PPP6R3: variants seen among roughly 807,000 people sequenced by gnomAD.
PPP6R3 encodes the protein serine/threonine-protein phosphatase 6 regulatory subunit 3.
Under a neutral mutation model 110.7 loss-of-function variants are expected in PPP6R3, and 38 were observed. That is an observed-to-expected ratio of 0.34 (90% CI 0.26 to 0.45). PPP6R3 has a LOEUF of 0.45. Among genes scored for constraint, PPP6R3 ranks in the 20% least tolerant of loss-of-function variants. PPP6R3 has a pLI of 1.00. For missense variants in PPP6R3, 870 were observed against 1,062.4 expected (o/e 0.82, Z 2.52); for synonymous variants, 369 against 373.5 (o/e 0.99, Z 0.14).
intron 1 of PPP6R3, among the ~76,000 whole-genome samples, chr11:68,468,238 A>G (rs1340473320): frequency 5.9e-5 from 9 of 152,238 alleles, no homozygotes; most frequent in Non-Finnish European, 1.3e-4. Context: ...CTTAGAATTC[A>G]GAATAAGTGG....
At chr11:68,476,194 A>T (rs2098830405) in intron 1 of PPP6R3, among the ~76,000 whole-genome samples, 1 of 152,230 alleles carries the variant, frequency 6.6e-6, no homozygotes, top group African/African-American at 2.4e-5. Context: ...AGAGAACGAG[A>T]TTCCGTCTGC....
intron 1 of PPP6R3, among the ~76,000 whole-genome samples, chr11:68,519,245 T>A (rs985249545): frequency 5.3e-5 from 8 of 152,242 alleles, no homozygotes; most frequent in African/African-American, 1.9e-4. Context: ...TCTTCACTCA[T>A]TGATAGTGCT....
At chr11:68,475,085 T>C (rs1414835201) in intron 1 of PPP6R3, among the ~76,000 whole-genome samples, 2 of 152,168 alleles carry the variant, frequency 1.3e-5, no homozygotes, top group Non-Finnish European at 2.9e-5. Context: ...TTTGTGTCCC[T>C]GGGTACTTGA....
intron 7 of PPP6R3, among the ~76,000 whole-genome samples, chr11:68,557,994 T>C (rs908257119): frequency 6.6e-6 from 1 of 152,250 alleles, no homozygotes; most frequent in African/African-American, 2.4e-5. Flanking sequence ...ACATTTAATT[T>C]AGTCACATTT....
chr11:68,538,562 TGCATTACA>T, intron 3 of PPP6R3, among the ~76,000 whole-genome samples: 1 of 152,352 alleles, frequency 6.6e-6, no homozygotes, highest in East Asian at 1.9e-4. Flanking sequence ...CAAAAATTGA[TGCATTACA>T]TAAACTTAAT....
At chr11:68,585,469 GC>G (rs766022201) in intron 15 of PPP6R3, among the ~76,000 whole-genome samples, 1 of 152,154 alleles carries the variant, frequency 6.6e-6, no homozygotes, top group Non-Finnish European at 1.5e-5. Flanking sequence ...TCTGACTTTG[GC>G]CAGGATGACA....
chr11:68,554,279 T>C (rs934500447), intron 7 of PPP6R3, 22 bp downstream of exon 7: 3 of 1,542,194 alleles, frequency 1.9e-6, no homozygotes, highest in Non-Finnish European at 2.7e-6. Context: ...ACTCTGTTCT[T>C]GTTCTTCTTT....
At chr11:68,465,078 C>G (rs140612869) in intron 1 of PPP6R3, among the ~76,000 whole-genome samples, 1,550 of 152,206 alleles carry the variant, frequency 0.01, 10 homozygotes, top group African/African-American at 0.012. Context: ...GATGGGGTTT[C>G]ACCATGTGGG....
At position 68,498,138 on chromosome 11, in the gene PPP6R3, G is replaced by T. The variant is rs562774055; in HGVS notation, c.-157-21363G>T. On this transcript the variant is annotated intron_variant, in intron 1 of 23. Coordinates refer to ENST00000393800, the MANE Select transcript of PPP6R3 (RefSeq NM_001164161.2). Reference sequence around the variant, plus strand: ...AGAATAAAAGAATAATTGGACCAAGGGGTATATAGATTTTAACACCTTTTT... The same window carrying T: ...AGAATAAAAGAATAATTGGACCAAGTGGTATATAGATTTTAACACCTTTTT... Among the ~76,000 whole-genome samples, 132 of 152,258 alleles carry T rather than the reference G, an allele frequency of 8.7e-4. 1 individual carries two copies. Among genetic ancestry groups the T allele is most frequent in the African/African-American group, 3.0e-3 (126 of 41,552 alleles).
chr11:68,574,673 C>T (rs563535123), intron 13 of PPP6R3, among the ~76,000 whole-genome samples: 11 of 152,288 alleles, frequency 7.2e-5, no homozygotes, highest in South Asian at 2.1e-4. Flanking sequence ...TCTTTGATGT[C>T]GCTGTCACTA....
intron 5 of PPP6R3, among the ~76,000 whole-genome samples, chr11:68,548,673 A>C (rs970110926): frequency 6.6e-6 from 1 of 152,176 alleles, no homozygotes; most frequent in Non-Finnish European, 1.5e-5. Flanking sequence ...TTCTCTTCTC[A>C]TGGGTACAGA....
intron 1 of PPP6R3, among the ~76,000 whole-genome samples, chr11:68,487,676 T>A (rs572187301): frequency 6.6e-6 from 1 of 152,346 alleles, no homozygotes; most frequent in African/African-American, 2.4e-5. Flanking sequence ...TTATTTAATC[T>A]TCTGGTATTT....
At chr11:68,584,298 G>C (rs1176231313) in intron 15 of PPP6R3, among the ~76,000 whole-genome samples, 2 of 152,116 alleles carry the variant, frequency 1.3e-5, no homozygotes, top group Non-Finnish European at 2.9e-5. Context: ...GAGCCCTCGT[G>C]CCTGCAAGCA....
Position 68,613,144 on chromosome 11 carries a change from A to G in PPP6R3, c.*27A>G, listed in dbSNP as rs764740177. On this transcript the variant is annotated 3_prime_UTR_variant, in exon 24 of 24. Coordinates refer to ENST00000393800, the MANE Select transcript of PPP6R3 (RefSeq NM_001164161.2). ...GGGTGACGTCTGCTGCTGCTGACTG[A>G]GGACTGCAGACCGCCACCACTCAGG... The G allele has an allele frequency of 1.2e-6, 2 of 1,613,728 alleles. No homozygotes were observed. Among genetic ancestry groups the G allele is most frequent in the Non-Finnish European group, 1.7e-6 (2 of 1,179,894 alleles).
rs79111300 is a variant in PPP6R3, at chr11:68,591,411, C to T, written c.1786-165C>T. On this transcript the variant is annotated intron_variant, in intron 17 of 23. Transcript: ENST00000393800. ...TCTTTTTTTAGGGGAATTCTTGTTACGGACACAGAAACTAATGTTAGGTGT... is the reference window on the plus strand; with the variant it reads ...TCTTTTTTTAGGGGAATTCTTGTTATGGACACAGAAACTAATGTTAGGTGT... Among the ~76,000 whole-genome samples, 127 of 152,182 alleles carry T rather than the reference C, an allele frequency of 8.3e-4. 1 individual carries two copies. The East Asian group carries it at 0.02, about 24-fold the overall frequency.
At position 68,602,716 on chromosome 11, in the gene PPP6R3, C is replaced by T. The variant is rs528428726; in HGVS notation, c.2300-626C>T. Among the ~76,000 whole-genome samples the T allele has an allele frequency of 4.6e-5, 7 of 152,270 alleles. No individual in the cohort carries two copies. In the East Asian group the frequency reaches 1.2e-3, roughly 25 times the overall value. On this transcript the variant is annotated intron_variant, in intron 21 of 23. Transcript: ENST00000393800. ...CTCCTGAACATTTGATACAGATTCC[C>T]GCATTTGACTCCTCAGTGGTTCTGT...
At chr11:68,606,984 A>C (rs747326252) in intron 22 of PPP6R3, among the ~76,000 whole-genome samples, 1 of 152,226 alleles carries the variant, frequency 6.6e-6, no homozygotes, top group Non-Finnish European at 1.5e-5. Flanking sequence ...GTATTATTCC[A>C]AAATACATCA....
At chr11:68,592,741 C>A (rs1240222329) in intron 18 of PPP6R3, among the ~76,000 whole-genome samples, 1 of 152,170 alleles carries the variant, frequency 6.6e-6, no homozygotes, top group Admixed American at 6.5e-5. Context: ...AAGAAAAATA[C>A]CTTCATGGCA....
rs868604215 is a variant in PPP6R3 at position 68,484,177 on chromosome 11, A to G, written c.-158+23350A>G. 2.6e-5 allele frequency among the ~76,000 whole-genome samples: 4 copies of G among 152,344 alleles called. No homozygotes were observed. In the South Asian group the frequency reaches 8.3e-4, roughly 32 times the overall value. On this transcript the variant is annotated intron_variant, in intron 1 of 23. Coordinates refer to ENST00000393800, the MANE Select transcript of PPP6R3 (RefSeq NM_001164161.2). ...AATTGTGGATAAAGATGCTGTAAATATCCGTGTGCAGGTTTTTGTGTGGAC... is the reference window on the plus strand; with the variant it reads ...AATTGTGGATAAAGATGCTGTAAATGTCCGTGTGCAGGTTTTTGTGTGGAC...
Sources: gnomAD v4.1 joint callset for allele counts (sites outside exome capture counted in the v4.1 genomes callset) on GRCh38, gnomAD v4.1.1 for gene constraint, MANE v1.5 for transcripts, NCBI Gene and HGNC (gene_info 2026-07-23, HGNC 2026-07-21) for gene names.